Variants in OPCML observed in about 807,000 individuals in gnomAD.
OPCML encodes the protein opioid binding protein/cell adhesion molecule like, also known as opioid-binding protein/cell adhesion molecule.
In OPCML, 13 loss-of-function variants were observed where a neutral mutation model predicts 37.8. The observed-to-expected ratio is 0.34, with a 90% CI of 0.22 to 0.55. OPCML has a LOEUF of 0.55. Among genes scored for constraint, OPCML ranks in the 20% least tolerant of loss-of-function variants. OPCML has a pLI of 0.91. For missense variants in OPCML, 341 were observed against 435.6 expected (o/e 0.78, Z 1.93); for synonymous variants, 176 against 168.8 (o/e 1.04, Z -0.33).
chr11:133,243,555 T>C (rs1253147683), intron 1 of OPCML, among the ~76,000 whole-genome samples: 2 of 151,864 alleles, frequency 1.3e-5, no homozygotes, highest in Non-Finnish European at 2.9e-5. Flanking sequence ...TTTAAGAAAA[T>C]GAGTAAAGCA....
At chr11:132,764,186 T>C (rs1031529649) in intron 2 of OPCML, among the ~76,000 whole-genome samples, 5 of 152,176 alleles carry the variant, frequency 3.3e-5, no homozygotes, top group Admixed American at 3.3e-4. Context: ...TCCGCTGTGG[T>C]CATAAGCTTT....
chr11:132,452,123 C>T (rs1236024934), intron 4 of OPCML, among the ~76,000 whole-genome samples: 3 of 152,172 alleles, frequency 2.0e-5, no homozygotes, highest in Non-Finnish European at 2.9e-5. Context: ...CCTGCCCCAT[C>T]CCCAAAAATG....
intron 1 of OPCML, among the ~76,000 whole-genome samples, chr11:132,990,445 G>A (rs532563458): frequency 2.6e-5 from 4 of 152,268 alleles, no homozygotes; most frequent in African/African-American, 9.6e-5. Context: ...CTTTACATTT[G>A]TACAACACCC....
chr11:133,332,117 G>T (rs999970837), intron 1 of OPCML, among the ~76,000 whole-genome samples: 2 of 152,078 alleles, frequency 1.3e-5, no homozygotes, highest in Non-Finnish European at 2.9e-5. Context: ...GCAAGGTTTT[G>T]TAATTCTCAT....
intron 1 of OPCML, among the ~76,000 whole-genome samples, chr11:132,965,216 G>A (rs532815307): frequency 1.8e-4 from 27 of 152,256 alleles, no homozygotes; most frequent in African/African-American, 6.5e-4. Flanking sequence ...AATAAGTACC[G>A]AAGTGTTCCC....
intron 3 of OPCML, among the ~76,000 whole-genome samples, chr11:132,596,048 C>T (rs143822734): frequency 2.0e-3 from 298 of 152,286 alleles, no homozygotes; most frequent in African/African-American, 6.7e-3. Context: ...CCAGACTCCA[C>T]CACTTGGCTG....
intron 1 of OPCML, among the ~76,000 whole-genome samples, chr11:133,151,956 G>A (rs1949993404): frequency 1.3e-5 from 2 of 152,190 alleles, no homozygotes; most frequent in African/African-American, 4.8e-5. Flanking sequence ...TCTAGCTCTT[G>A]ACCTTCCAGA....
In OPCML at chr11:133,211,867, G is replaced by C. The variant is rs1444664799; in HGVS notation, c.62-268857C>G. 6.6e-6 allele frequency among the ~76,000 whole-genome samples: 1 copy of C among 152,182 alleles called. No homozygotes were observed. The highest frequency in any genetic ancestry group is 2.4e-5 in the African/African-American group (1 of 41,446). On this transcript the variant is annotated intron_variant, in intron 1 of 7. Coordinates refer to ENST00000524381, the MANE Select transcript of OPCML (RefSeq NM_001012393.5). This position sits in a 1 kb window ranked among gnomAD's most constrained non-coding sequence, Gnocchi z 4.1. Reference sequence around the variant, plus strand: ...CATTTGACTCAAACTCTTCAAGATAGGGAGTTAAAGAATGCAAAGTTGAAG... The same window carrying C: ...CATTTGACTCAAACTCTTCAAGATACGGAGTTAAAGAATGCAAAGTTGAAG...
intron 1 of OPCML, among the ~76,000 whole-genome samples, chr11:133,144,056 G>T (rs1432643463): frequency 6.6e-6 from 1 of 152,204 alleles, no homozygotes; most frequent in African/African-American, 2.4e-5. Flanking sequence ...CTGCCTCCTT[G>T]TGTCTCATCT....
At chr11:133,202,536 A>G (rs533083206) in intron 1 of OPCML, among the ~76,000 whole-genome samples, 22 of 152,322 alleles carry the variant, frequency 1.4e-4, no homozygotes, top group South Asian at 1.2e-3. Flanking sequence ...CAGCAGACAA[A>G]GGCAGAACAG....
At chr11:133,260,209 T>A (rs934127792) in intron 1 of OPCML, among the ~76,000 whole-genome samples, 2 of 151,500 alleles carry the variant, frequency 1.3e-5, no homozygotes, top group Non-Finnish European at 1.5e-5. Flanking sequence ...GAGCCGTGCA[T>A]TGGGGCCAGT....
At chr11:132,974,185 A>G in intron 1 of OPCML, among the ~76,000 whole-genome samples, 1 of 152,180 alleles carries the variant, frequency 6.6e-6, no homozygotes, top group East Asian at 1.9e-4. Context: ...TACCCTTTCT[A>G]TTTGAAATAT....
intron 2 of OPCML, among the ~76,000 whole-genome samples, chr11:132,794,899 T>TAAAAAAAAAA (rs55742457): frequency 7.1e-6 from 1 of 140,752 alleles, no homozygotes; most frequent in African/African-American, 2.6e-5. Flanking sequence ...ATATCATGAG[T>TAAAAAAAAAA]AAAAAAAAAA....
At position 132,731,960 on chromosome 11, in the gene OPCML, C is replaced by T. The variant is rs952413414; in HGVS notation, c.147-74641G>A. On this transcript the variant is annotated intron_variant, in intron 2 of 7. Transcript: ENST00000524381. The stretch of plus-strand genomic sequence containing the variant: ...TTACAGGGTGTGATCATATTATATA[C>T]CATACGTACTAAGAGAATGGATTTG... Among the ~76,000 whole-genome samples the T allele has an allele frequency of 5.3e-5, 8 of 152,114 alleles. No homozygotes were observed. The South Asian group carries it at 1.7e-3, about 32-fold the overall frequency.
chr11:133,068,367 T>C (rs1948472447), intron 1 of OPCML, among the ~76,000 whole-genome samples: 1 of 152,200 alleles, frequency 6.6e-6, no homozygotes, highest in African/African-American at 2.4e-5. Context: ...TTCATTTACA[T>C]ATGGGAGATT....
chr11:132,560,788 T>G (rs534979504), intron 3 of OPCML, among the ~76,000 whole-genome samples: 13 of 152,340 alleles, frequency 8.5e-5, no homozygotes, highest in Non-Finnish European at 1.5e-4. Flanking sequence ...GTTTTTTTCT[T>G]GAGTTCTTTG....
chr11:133,161,465 C>A (rs1019656643), intron 1 of OPCML, among the ~76,000 whole-genome samples: 1 of 151,978 alleles, frequency 6.6e-6, no homozygotes, highest in Non-Finnish European at 1.5e-5. Context: ...TGGACAGGAG[C>A]GTGGGATTTA....
chr11:133,143,022 G>C (rs1949847465), intron 1 of OPCML, among the ~76,000 whole-genome samples: 1 of 152,154 alleles, frequency 6.6e-6, no homozygotes, highest in Non-Finnish European at 1.5e-5. Context: ...CCTCTCCAGA[G>C]ACCACGTTCC....
chr11:133,070,017 T>C (rs764783554), intron 1 of OPCML, among the ~76,000 whole-genome samples: 8 of 152,120 alleles, frequency 5.3e-5, no homozygotes, highest in Non-Finnish European at 1.0e-4. Context: ...CTAGTTGGTG[T>C]CCTTAGTACA....
Sources: gnomAD v4.1 joint callset for allele counts (sites outside exome capture counted in the v4.1 genomes callset) on GRCh38, gnomAD v4.1.1 for gene constraint, Gnocchi (gnomAD v3.1) non-coding constraint, MANE v1.5 for transcripts, NCBI Gene and HGNC (gene_info 2026-07-23, HGNC 2026-07-21) for gene names.